Variants in FGF12 observed in about 807,000 individuals in gnomAD.
FGF12 encodes the protein fibroblast growth factor 12.
FGF12 carries 14 observed loss-of-function variants against 23.6 expected under a neutral mutation model. The observed-to-expected ratio is 0.59, with a 90% CI of 0.39 to 0.93. FGF12 has a LOEUF of 0.93. FGF12 is among the 40% of genes least tolerant of loss of function. The probability of loss-of-function intolerance (pLI) is 0.00; values close to 1 mark genes in which losing one functional copy is unlikely to be tolerated. For missense variants in FGF12, 175 were observed against 217.8 expected (o/e 0.80, Z 1.24); for synonymous variants, 62 against 77.3 (o/e 0.80, Z 1.04).
In FGF12 at chr3:192,370,640, G is replaced by A. The variant is rs1719186850; in HGVS notation, c.14-10102C>T. Among the ~76,000 whole-genome samples the A allele has an allele frequency of 3.9e-5, 6 of 152,192 alleles. No homozygotes were observed. In the South Asian group the frequency reaches 1.2e-3, roughly 31 times the overall value. The stretch of plus-strand genomic sequence containing the variant: ...ATTAAGCAATGGGAAAATTTGGAAG[G>A]ATTTTAAGTCTGGGGCTAAAATTAT... On this transcript the variant is annotated intron_variant, in intron 2 of 5. Transcript: ENST00000445105.
chr3:192,202,068 C>A (rs1042106523), intron 4 of FGF12, among the ~76,000 whole-genome samples: 2 of 152,092 alleles, frequency 1.3e-5, no homozygotes, highest in African/African-American at 4.8e-5. Context: ...CCATTTATCT[C>A]ATTCAGATGA....
At chr3:192,702,931 C>T (rs992467089) in intron 2 of FGF12, among the ~76,000 whole-genome samples, 1 of 152,160 alleles carries the variant, frequency 6.6e-6, no homozygotes, top group South Asian at 2.1e-4. Context: ...TTAGTATTTT[C>T]TCTACATTGC....
chr3:192,356,295 G>A (rs1258393450), intron 3 of FGF12, among the ~76,000 whole-genome samples: 1 of 152,084 alleles, frequency 6.6e-6, no homozygotes, highest in Non-Finnish European at 1.5e-5. Flanking sequence ...AACTTGTCAG[G>A]CAGCCCATTC....
chr3:192,447,377 G>T (rs1024825998), intron 2 of FGF12, among the ~76,000 whole-genome samples: 1 of 151,836 alleles, frequency 6.6e-6, no homozygotes, highest in African/African-American at 2.4e-5. Context: ...AGATGAAGAC[G>T]CTCTCCAAAT....
chr3:192,254,304 A>G (rs140044312), intron 4 of FGF12, among the ~76,000 whole-genome samples: 33 of 151,868 alleles, frequency 2.2e-4, no homozygotes, highest in Middle Eastern at 3.4e-3. Context: ...ATTTCATTTA[A>G]CATAATGTCC....
At position 192,335,346 on chromosome 3, in the gene FGF12, C is replaced by T. The variant is rs779673934; in HGVS notation, c.228+15G>A. On this transcript the variant is annotated intron_variant, in intron 4 of 5. Transcript: ENST00000445105. ...TCACACACATACACACAAATACACA[C>T]TACAATGTACTTACTGAACTGTAGA... is the stretch of plus-strand genomic sequence containing the variant. 3.2e-6 allele frequency: 5 copies of T among 1,552,758 alleles called. No individual in the cohort carries two copies. Among genetic ancestry groups the T allele is most frequent in the Non-Finnish European group, 4.4e-6 (5 of 1,124,704 alleles).
chr3:192,538,686 G>T (rs1413541747), intron 2 of FGF12, among the ~76,000 whole-genome samples: 3 of 152,020 alleles, frequency 2.0e-5, no homozygotes, highest in Non-Finnish European at 2.9e-5. Context: ...GAATGTCATT[G>T]GTATTTTGAA....
At chr3:192,162,442 G>T (rs1560173521) in intron 5 of FGF12, among the ~76,000 whole-genome samples, 1 of 152,126 alleles carries the variant, frequency 6.6e-6, no homozygotes, top group African/African-American at 2.4e-5. Context: ...GAGAGAGAAA[G>T]AGGAAGAATG....
chr3:192,636,017 C>T (rs887692368), intron 2 of FGF12, among the ~76,000 whole-genome samples: 6 of 152,268 alleles, frequency 3.9e-5, no homozygotes, highest in East Asian at 1.9e-4. Flanking sequence ...ACTAGCTACC[C>T]GAAACACTGC....
intron 2 of FGF12, among the ~76,000 whole-genome samples, chr3:192,651,920 C>T (rs1716226939): frequency 6.6e-6 from 1 of 152,174 alleles, no homozygotes; most frequent in Admixed American, 6.5e-5. Context: ...CAGCTTCATT[C>T]TGTTATCAAT....
intron 4 of FGF12, among the ~76,000 whole-genome samples, chr3:192,252,107 G>A (rs190709641): frequency 2.8e-3 from 421 of 152,136 alleles, no homozygotes; most frequent in Middle Eastern, 6.8e-3. Flanking sequence ...GTAACGTGAA[G>A]TCAGAGACCT....
intron 3 of FGF12, among the ~76,000 whole-genome samples, chr3:192,349,012 T>G (rs1161849466): frequency 2.0e-5 from 3 of 152,172 alleles, no homozygotes; most frequent in Non-Finnish European, 4.4e-5. Context: ...GACCATTTTA[T>G]TTTCCAAATC....
intron 2 of FGF12, among the ~76,000 whole-genome samples, chr3:192,416,353 G>C (rs1450236600): frequency 6.6e-6 from 1 of 152,104 alleles, no homozygotes; most frequent in African/African-American, 2.4e-5. Flanking sequence ...ATGCAATTTA[G>C]AGTAGATAAG....
At chr3:192,376,480 A>G (rs2108748555) in intron 2 of FGF12, among the ~76,000 whole-genome samples, 1 of 152,078 alleles carries the variant, frequency 6.6e-6, no homozygotes, top group South Asian at 2.1e-4. Flanking sequence ...CTCCTGCCTC[A>G]GCCTCCCGAG....
At chr3:192,353,808 C>T (rs1718338617) in intron 3 of FGF12, among the ~76,000 whole-genome samples, 1 of 152,146 alleles carries the variant, frequency 6.6e-6, no homozygotes, top group Non-Finnish European at 1.5e-5. Context: ...CTAGTGTTTG[C>T]TAAAATTTTC....
intron 4 of FGF12, among the ~76,000 whole-genome samples, chr3:192,251,673 G>A (rs939684949): frequency 6.6e-6 from 1 of 151,368 alleles, no homozygotes; most frequent in Non-Finnish European, 1.5e-5. Flanking sequence ...ATGAATGAAC[G>A]AAGATGTACA....
Position 192,727,207 on chromosome 3 carries a change from G to A in FGF12, c.-14C>T, listed in dbSNP as rs776716518. On this transcript the variant is annotated 5_prime_UTR_variant, in exon 2 of 6. Transcript: ENST00000445105. ...TTTGCTCTCCATTTCGGTCCCTTTCGAGTGCTGGGAAGTTCAATGGAAGTT... is the reference window on the plus strand; with the variant it reads ...TTTGCTCTCCATTTCGGTCCCTTTCAAGTGCTGGGAAGTTCAATGGAAGTT... The A allele has an allele frequency of 9.5e-6, 15 of 1,577,572 alleles. No individual in the cohort carries two copies. In the East Asian group the frequency reaches 3.0e-4, roughly 32 times the overall value.
At chr3:192,187,304 A>G (rs1463470851) in intron 4 of FGF12, among the ~76,000 whole-genome samples, 1 of 152,172 alleles carries the variant, frequency 6.6e-6, no homozygotes, top group Non-Finnish European at 1.5e-5. Context: ...CAAAATTTAT[A>G]TAGTATATCT....
intron 2 of FGF12, among the ~76,000 whole-genome samples, chr3:192,460,992 A>G (rs1722846489): frequency 3.9e-5 from 6 of 152,100 alleles, no homozygotes; most frequent in Admixed American, 3.3e-4. Context: ...TATGGCTCAC[A>G]GTTTGTGCTA....
Sources: gnomAD v4.1 joint callset for allele counts (sites outside exome capture counted in the v4.1 genomes callset) on GRCh38, gnomAD v4.1.1 for gene constraint, MANE v1.5 for transcripts, NCBI Gene and HGNC (gene_info 2026-07-23, HGNC 2026-07-21) for gene names.